The following PKD1L1 variants were observed in gnomAD, a reference collection of about 807,000 sequenced individuals.
PKD1L1 encodes the protein polycystin-1-like protein 1.
A neutral mutation model predicts 323.4 loss-of-function variants in PKD1L1; 236 were observed. The ratio of observed to expected loss-of-function variants is 0.73; its 90% CI spans 0.66 to 0.81. The LOEUF (loss-of-function observed/expected upper bound fraction) is 0.81, where lower values mean the gene tolerates loss of function less well. Among genes scored for constraint, PKD1L1 ranks in the 40% least tolerant of loss-of-function variants. The pLI is 0.00. For missense variants in PKD1L1, 3,320 were observed against 3,508.0 expected (o/e 0.95, Z 1.35); for synonymous variants, 1,344 against 1,335.0 (o/e 1.01, Z -0.15).
chr7:47,907,621 C>G (rs1787233297), intron 9 of PKD1L1, among the ~76,000 whole-genome samples: 1 of 152,164 alleles, frequency 6.6e-6, no homozygotes, highest in Non-Finnish European at 1.5e-5. Flanking sequence ...GCACCGGATG[C>G]TTTCTCAATT....
chr7:47,866,601 G>C lies in PKD1L1; in HGVS notation c.3910C>G (p.Leu1304Val). 6.2e-7 allele frequency: 1 copy of C among 1,605,906 alleles called. No homozygotes were observed. The highest frequency in any genetic ancestry group is 1.1e-5 in the South Asian group (1 of 90,146). Reference sequence around the variant, plus strand: ...AGCTGGAGGGTAGAAAGGTTTTTCAGGCTGGAATTATACCTGAAGGAAACA... The same window carrying C: ...AGCTGGAGGGTAGAAAGGTTTTTCACGCTGGAATTATACCTGAAGGAAACA... ...CLGEDLYNSS[L>V]KNLSTLQLMG... Residue 1304 changes from leucine (L) to valine (V), a missense_variant, in exon 25 of 57, where the codon CTG (leucine) becomes GTG (valine). Transcript: ENST00000289672.
At chr7:47,830,844 G>A (rs933372605) in intron 42 of PKD1L1, among the ~76,000 whole-genome samples, 4 of 152,170 alleles carry the variant, frequency 2.6e-5, no homozygotes, top group African/African-American at 4.8e-5. Context: ...GAAGGCATAC[G>A]CTTTTTCAAA....
At chr7:47,892,670 A>G in intron 15 of PKD1L1, among the ~76,000 whole-genome samples, 1 of 152,304 alleles carries the variant, frequency 6.6e-6, no homozygotes, top group South Asian at 2.1e-4. Context: ...TATCCATGTA[A>G]CAAAACTGCA....
At chr7:47,813,451 T>TTG in intron 48 of PKD1L1, 158 bp from the exon 49 acceptor site, 1 of 804,592 alleles carries the variant, frequency 1.2e-6, no homozygotes, top group Non-Finnish European at 2.1e-6. Context: ...TGTTTCGTGG[T>TTG]CTACAGACTC....
the PKD1L1 span, among the ~76,000 whole-genome samples, chr7:47,954,092 G>T: frequency 1.3e-5 from 2 of 152,156 alleles, no homozygotes; most frequent in Non-Finnish European, 2.9e-5. Context: ...GAAACACAGG[G>T]CTGTCTGGTC....
At chr7:47,933,605 C>T (rs559049174) in intron 4 of PKD1L1, among the ~76,000 whole-genome samples, 1 of 152,282 alleles carries the variant, frequency 6.6e-6, no homozygotes, top group South Asian at 2.1e-4. Flanking sequence ...CTGTTTGTCC[C>T]CAACCCTCTC....
At chr7:47,913,675 T>C (rs1208736374) in intron 8 of PKD1L1, among the ~76,000 whole-genome samples, 1 of 152,204 alleles carries the variant, frequency 6.6e-6, no homozygotes, top group Non-Finnish European at 1.5e-5. Flanking sequence ...GTAAGTTTCC[T>C]GAGGCTTCCC....
intron 36 of PKD1L1, among the ~76,000 whole-genome samples, chr7:47,838,559 G>T (rs560139503): frequency 6.6e-6 from 1 of 152,316 alleles, no homozygotes; most frequent in South Asian, 2.1e-4. Flanking sequence ...TTCATGAAGA[G>T]ACCTACTCTA....
At chr7:47,795,743 C>T (rs1719022432) in intron 55 of PKD1L1, among the ~76,000 whole-genome samples, 1 of 152,132 alleles carries the variant, frequency 6.6e-6, no homozygotes, top group Non-Finnish European at 1.5e-5. Flanking sequence ...TCCAACTGTA[C>T]AGGTCACTAT....
At chr7:47,836,360 C>T (rs1403487518) in intron 37 of PKD1L1, among the ~76,000 whole-genome samples, 2 of 152,108 alleles carry the variant, frequency 1.3e-5, no homozygotes, top group South Asian at 2.1e-4. Context: ...ATGATGTTGT[C>T]GTAGTAAACA....
At position 47,840,468 on chromosome 7, in the gene PKD1L1, TA is replaced by T; in HGVS notation, c.5544del (p.Phe1848LeufsTer3). 1.2e-6 allele frequency: 2 copies of T among 1,612,616 alleles called. No homozygotes were observed. The highest frequency in any genetic ancestry group is 1.7e-6 in the Non-Finnish European group (2 of 1,178,646). ...PLFERNSRHT[F>X]ILSAPAQLGL... ...TGAAATATTTTGGAATACCTCAGGA[TA>T]AAGGTGTGTCTGGAATTCCTTTCAA... On this transcript the variant is annotated frameshift_variant, in exon 35 of 57. Transcript: ENST00000289672. LOFTEE classifies it high-confidence loss of function. The surrounding 1 kb of genome is among the most constrained non-coding windows in gnomAD (Gnocchi z 4.1).
At chr7:47,921,711 TAAG>T (rs1787545328) in intron 7 of PKD1L1, among the ~76,000 whole-genome samples, 1 of 152,050 alleles carries the variant, frequency 6.6e-6, no homozygotes, top group African/African-American at 2.4e-5. Context: ...TACTCAGCTA[TAAG>T]AAGAGTGAAT....
At chr7:47,857,097 G>A (rs1156885582) in intron 28 of PKD1L1, among the ~76,000 whole-genome samples, 2 of 152,218 alleles carry the variant, frequency 1.3e-5, no homozygotes, top group Admixed American at 1.3e-4. Context: ...CTCTCAGGGA[G>A]CCAGGGGCCA....
At chr7:47,865,304 G>T (rs1273812937) in intron 25 of PKD1L1, 32 bp from the exon 26 acceptor site, 2 of 1,584,428 alleles carry the variant, frequency 1.3e-6, no homozygotes, top group Non-Finnish European at 1.7e-6. Flanking sequence ...AAAACAAAAA[G>T]AAAATGCAAG....
intron 51 of PKD1L1, 148 bp downstream of exon 51, chr7:47,809,325 C>T (rs1784845540): frequency 3.3e-6 from 2 of 603,116 alleles, no homozygotes; most frequent in Non-Finnish European, 2.8e-6. Flanking sequence ...ATCTCAAATG[C>T]TGTTTTGAGA....
At position 47,931,927 on chromosome 7, in the gene PKD1L1, G is replaced by A; in HGVS notation, c.519+9C>T. 2 of 1,608,860 alleles carry A rather than the reference G, an allele frequency of 1.2e-6. No homozygotes were observed. Among genetic ancestry groups the A allele is most frequent in the East Asian group, 2.2e-5 (1 of 44,770 alleles). On this transcript the variant is annotated intron_variant, in intron 5 of 56. Coordinates refer to ENST00000289672, the MANE Select transcript of PKD1L1 (RefSeq NM_138295.5). Reference sequence around the variant, plus strand: ...TGATGAAATTCAATTGCAGGGGTTAGATACCAACCTGGAGAAGAGCAGAGA... The same window carrying A: ...TGATGAAATTCAATTGCAGGGGTTAAATACCAACCTGGAGAAGAGCAGAGA...
At chr7:47,933,014 A>C (rs974314592) in intron 4 of PKD1L1, among the ~76,000 whole-genome samples, 1 of 152,180 alleles carries the variant, frequency 6.6e-6, no homozygotes, top group Admixed American at 6.5e-5. Flanking sequence ...GTCTGTTAGC[A>C]TGGAGCTCAG....
chr7:47,904,320 A>C, intron 12 of PKD1L1, 58 bp downstream of exon 12: 1 of 1,606,948 alleles, frequency 6.2e-7, no homozygotes, highest in Non-Finnish European at 8.5e-7. Context: ...CTGATGCCTT[A>C]AGACTCTGAT....
intron 2 of PKD1L1, among the ~76,000 whole-genome samples, chr7:47,942,026 C>T (rs1354814917): frequency 6.6e-6 from 1 of 152,122 alleles, no homozygotes; most frequent in African/African-American, 2.4e-5. Flanking sequence ...TGAAACTTAA[C>T]ATCCATCTCA....
Sources: allele counts gnomAD v4.1 joint callset (sites outside exome capture counted in the v4.1 genomes callset), GRCh38; gene constraint gnomAD v4.1.1; non-coding constraint Gnocchi (gnomAD v3.1); transcripts MANE v1.5; gene names NCBI Gene and HGNC (gene_info 2026-07-23, HGNC 2026-07-21).